Variants in SHISA9 observed in about 807,000 individuals in gnomAD.
The protein encoded by SHISA9 is shisa family member 9, also known as protein shisa-9.
SHISA9 carries 13 observed loss-of-function variants against 38.0 expected under a neutral mutation model. That is an observed-to-expected ratio of 0.34 (90% CI 0.22 to 0.54). SHISA9 has a LOEUF of 0.54. Ranked by LOEUF, SHISA9 falls within the 20% of genes least tolerant of loss-of-function variation. The probability of loss-of-function intolerance (pLI) is 0.91; values close to 1 mark genes in which losing one functional copy is unlikely to be tolerated. For missense variants in SHISA9, 538 were observed against 575.8 expected, an observed-to-expected ratio of 0.93 and a Z score of 0.67; for synonymous variants, 275 against 242.0, an observed-to-expected ratio of 1.14 and a Z score of -1.27.
chr16:13,510,557 A>C, the SHISA9 span, among the ~76,000 whole-genome samples: 1 of 152,324 alleles, frequency 6.6e-6, no homozygotes, highest in Non-Finnish European at 1.5e-5. Context: ...GGTCCATCAC[A>C]ACCAGTGTTT....
At chr16:13,301,236 T>C in the SHISA9 span, among the ~76,000 whole-genome samples, 3 of 152,050 alleles carry the variant, frequency 2.0e-5, no homozygotes, top group Admixed American at 2.0e-4. Context: ...GGAGAAAAGG[T>C]TGGAAAGGAG....
chr16:13,280,900 A>G, the SHISA9 span, among the ~76,000 whole-genome samples: 1 of 151,870 alleles, frequency 6.6e-6, no homozygotes, highest in South Asian at 2.1e-4. Context: ...CTGTGCAGGA[A>G]AGAATGCAAC....
chr16:13,221,165 G>T (rs1434861811), intron 4 of SHISA9, among the ~76,000 whole-genome samples: 2 of 152,154 alleles, frequency 1.3e-5, no homozygotes, highest in African/African-American at 4.8e-5. Context: ...AAGATATGGT[G>T]CCCCGTGGGG....
chr16:13,465,213 G>T, the SHISA9 span, among the ~76,000 whole-genome samples: 1 of 152,172 alleles, frequency 6.6e-6, no homozygotes, highest in Non-Finnish European at 1.5e-5. Flanking sequence ...GATGCCAGCA[G>T]CCCTCTGCCC....
intron 2 of SHISA9, among the ~76,000 whole-genome samples, chr16:13,197,138 T>C (rs372379616): frequency 0.026 from 2,996 of 115,072 alleles, 50 homozygotes; most frequent in Non-Finnish European, 0.037. Flanking sequence ...CACACACACA[T>C]ATATGTGTAT....
intron 2 of SHISA9, among the ~76,000 whole-genome samples, chr16:12,944,443 C>T (rs1371043734): frequency 6.6e-6 from 1 of 152,182 alleles, no homozygotes; most frequent in East Asian, 1.9e-4. Context: ...ATGATTGTTT[C>T]TTCCTGGAAG....
At chr16:13,018,423 C>G (rs1267012680) in intron 2 of SHISA9, among the ~76,000 whole-genome samples, 1 of 152,210 alleles carries the variant, frequency 6.6e-6, no homozygotes, top group African/African-American at 2.4e-5. Context: ...CTCTCCTACT[C>G]TCAGTCTGTC....
At chr16:12,911,443 A>G (rs1404222668) in intron 1 of SHISA9, 7 of 915,730 alleles carry the variant, frequency 7.6e-6, no homozygotes, top group Non-Finnish European at 9.1e-6. Flanking sequence ...AAGCATATGC[A>G]TGAACCCACG....
the SHISA9 span, among the ~76,000 whole-genome samples, chr16:13,289,125 C>T: frequency 6.6e-6 from 1 of 152,132 alleles, no homozygotes; most frequent in African/African-American, 2.4e-5. Context: ...TGTGCATTGG[C>T]ATTGGAATGT....
chr16:13,493,968 G>A, the SHISA9 span, among the ~76,000 whole-genome samples: 18 of 149,668 alleles, frequency 1.2e-4, no homozygotes, highest in East Asian at 6.1e-4. Context: ...TCTGGTCTCT[G>A]GTCTGGAGAT....
intron 2 of SHISA9, among the ~76,000 whole-genome samples, chr16:13,112,121 T>G (rs1366698124): frequency 2.0e-5 from 3 of 152,172 alleles, no homozygotes; most frequent in African/African-American, 4.8e-5. Flanking sequence ...GATTTTTTTT[T>G]GTTTGTTTTT....
chr16:13,085,391 A>G (rs2073699480), intron 2 of SHISA9, among the ~76,000 whole-genome samples: 2 of 152,242 alleles, frequency 1.3e-5, no homozygotes, highest in Admixed American at 1.3e-4. Flanking sequence ...GTTCTAAAAC[A>G]TAAAGGCTTG....
the SHISA9 span, among the ~76,000 whole-genome samples, chr16:13,260,928 G>A: frequency 2.0e-5 from 3 of 152,164 alleles, no homozygotes; most frequent in African/African-American, 7.2e-5. Context: ...ATGGCAGGAG[G>A]CGAAAGGCAC....
chr16:13,543,817 G>T, the SHISA9 span, among the ~76,000 whole-genome samples: 2 of 152,046 alleles, frequency 1.3e-5, no homozygotes, highest in African/African-American at 4.8e-5. Flanking sequence ...CATCCATGGC[G>T]TCTACACCCC....
At chr16:13,429,683 A>T in the SHISA9 span, among the ~76,000 whole-genome samples, 3 of 151,380 alleles carry the variant, frequency 2.0e-5, no homozygotes, top group Admixed American at 6.6e-5. Context: ...GGGTTACATA[A>T]CTCAAATCAT....
the SHISA9 span, among the ~76,000 whole-genome samples, chr16:13,397,793 AC>A: frequency 6.6e-6 from 1 of 151,418 alleles, no homozygotes; most frequent in South Asian, 2.1e-4. Context: ...GCTCAATTAG[AC>A]CCCTGCTTTA....
chr16:12,906,818 T>C (rs894191224), intron 1 of SHISA9, among the ~76,000 whole-genome samples: 6 of 152,142 alleles, frequency 3.9e-5, no homozygotes, highest in Non-Finnish European at 7.4e-5. Context: ...CATGGCAAGA[T>C]ATTTGGCGGC....
chr16:13,466,846 A>C, the SHISA9 span, among the ~76,000 whole-genome samples: 1 of 152,208 alleles, frequency 6.6e-6, no homozygotes, highest in Non-Finnish European at 1.5e-5. Context: ...TCAGCACTTA[A>C]GCATTGTTAA....
chr16:12,979,821 G>T (rs952032839), intron 2 of SHISA9, among the ~76,000 whole-genome samples: 2 of 152,050 alleles, frequency 1.3e-5, no homozygotes, highest in African/African-American at 2.4e-5. Context: ...AAAAATAGAT[G>T]CCTGTATTTC....
Sources: gnomAD v4.1 joint callset for allele counts (sites outside exome capture counted in the v4.1 genomes callset) on GRCh38, gnomAD v4.1.1 for gene constraint, MANE v1.5 for transcripts, NCBI Gene and HGNC (gene_info 2026-07-23, HGNC 2026-07-21) for gene names.